The following PNN variants were observed in gnomAD, a reference collection of about 807,000 sequenced individuals.
PNN encodes pinin.
A neutral mutation model predicts 76.6 loss-of-function variants in PNN; 38 were observed. The observed-to-expected ratio is 0.50, with a 90% confidence interval of 0.38 to 0.65. PNN has a LOEUF of 0.65. Among genes scored for constraint, PNN ranks in the 30% least tolerant of loss-of-function variants. The pLI, the probability that PNN is intolerant of heterozygous loss-of-function variation, is 0.00. For synonymous variants in PNN, 366 were observed against 283.7 expected (o/e 1.29, Z -2.91); for missense variants, 873 against 874.1 (o/e 1.00, Z 0.02).
intron 3 of PNN, 137 bp from the exon 4 acceptor site, chr14:39,177,275 G>C (rs1013258514): frequency 4.5e-6 from 3 of 664,620 alleles, no homozygotes; most frequent in Admixed American, 5.7e-5. Flanking sequence ...AGTCCCAGCT[G>C]CTTGGGAGGA....
rs137938696 is a variant in PNN at position 39,181,327 on chromosome 14, G to A, written c.1618G>A (p.Val540Ile). Residue 540 changes from valine (V) to isoleucine (I), a missense_variant, in exon 9 of 9, where the codon GTA becomes ATA. By Grantham distance (29) the Val-to-Ile change is conservative. Transcript: ENST00000216832. ...TGTAGAGTCTGTAAAACTCACTGAG[G>A]TACCAGTAGAGCCAGTCTTGACAGT... ...FPVESVKLTE[V>I]PVEPVLTVHP... 5 of 1,614,136 alleles carry A rather than the reference G, an allele frequency of 3.1e-6. No homozygotes were observed. The highest frequency in any genetic ancestry group is 2.7e-5 in the African/African-American group (2 of 75,058).
chr14:39,180,318 C>A (rs975749037), intron 8 of PNN, among the ~76,000 whole-genome samples, 185 bp from the exon 9 acceptor site: 12 of 152,026 alleles, frequency 7.9e-5, no homozygotes, highest in Non-Finnish European at 1.8e-4. Context: ...TGTAGATTTC[C>A]CATGGATCTT....
In PNN at chr14:39,182,002, T is replaced by A; in HGVS notation, c.*139T>A. ...ATCTTTTTGGAAAATACAGACTGTT[T>A]GTTTACCAGACATTCTTGTACTTTT... On this transcript the variant is annotated 3_prime_UTR_variant, in exon 9 of 9. Transcript: ENST00000216832. 1 of 766,150 alleles carries A rather than the reference T, an allele frequency of 1.3e-6. No individual in the cohort carries two copies. The allele number at this position is 766,150 out of a possible 1,614,324, so 47.5% of individuals were successfully genotyped here.
rs61170483 is a variant in PNN, at chr14:39,176,426, G to C, written c.186-101G>C. On this transcript the variant is annotated intron_variant, in intron 2 of 8. Coordinates refer to ENST00000216832, the MANE Select transcript of PNN (RefSeq NM_002687.4). ...TGAATGCCCGTTTAAGGCTACTTTAGTTGGAAAGATTTTTGAAAGTTTAAC... is the reference window on the plus strand; with the variant it reads ...TGAATGCCCGTTTAAGGCTACTTTACTTGGAAAGATTTTTGAAAGTTTAAC... The C allele has an allele frequency of 3.7e-3, 3,374 of 903,202 alleles. 85 individuals are homozygous for C. In the African/African-American group the frequency reaches 0.048, roughly 13 times the overall value. The allele number at this position is 903,202 out of a possible 1,614,324, so 55.9% of individuals were successfully genotyped here.
intron 6 of PNN, 120 bp from the exon 7 acceptor site, chr14:39,178,971 A>T: frequency 1.1e-6 from 1 of 878,942 alleles, no homozygotes; most frequent in South Asian, 1.9e-5. Flanking sequence ...ACCTGCCTCT[A>T]ATGTTTCACG....
chr14:39,176,503 T>G (rs775308072), intron 2 of PNN, 24 bp from the exon 3 acceptor site: 2 of 1,543,724 alleles, frequency 1.3e-6, no homozygotes, highest in South Asian at 1.2e-5. Flanking sequence ...TCAAGTGTTT[T>G]ATGTTGAACA....
In PNN at chr14:39,181,586, G is replaced by C. The variant is rs1364333593; in HGVS notation, c.1877G>C (p.Ser626Thr). 1.2e-6 allele frequency: 2 copies of C among 1,612,408 alleles called. No individual in the cohort carries two copies. The highest frequency in any genetic ancestry group is 2.7e-5 in the African/African-American group (2 of 74,872). Residue 626 changes from serine (S) to threonine (T), a missense_variant, in exon 9 of 9, where the codon AGT becomes ACT. Physicochemically the swap from Ser to Thr is moderately conservative, Grantham distance 58. This residue lies in a region of PNN where 712 missense variants were observed against 693.1 expected (regional missense o/e 1.03). Coordinates refer to ENST00000216832, the MANE Select transcript of PNN (RefSeq NM_002687.4). ...SSSRDSSSSTSSSSESRSRSR... is the reference protein window; with the variant it reads ...SSSRDSSSSTTSSSESRSRSR... ...AGCAGAGATAGTAGCAGTAGCACTA[G>C]TAGTAGTAGTGAGAGTAGAAGTCGG... is the stretch of plus-strand genomic sequence containing the variant.
rs372629537 is a variant in PNN, at chr14:39,181,355, A to G, written c.1646A>G (p.His549Arg). The G allele has an allele frequency of 6.8e-6, 11 of 1,614,144 alleles. No individual in the cohort carries two copies. In the African/African-American group the frequency reaches 1.1e-4, roughly 16 times the overall value. ...CCAGTAGAGCCAGTCTTGACAGTAC[A>G]TCCAGAGAGCAAGAGCAAAACCAAA... is the stretch of plus-strand genomic sequence containing the variant. ...EVPVEPVLTV[H>R]PESKSKTKTR... The change falls in exon 9 of 9, where the codon CAT becomes CGT. Residue 549 changes from histidine to arginine, a missense_variant. Physicochemically the swap from His to Arg is conservative, Grantham distance 29. Around this residue, in one of 3 missense-constraint regions of PNN, gnomAD observed 712 missense variants for 693.1 expected, o/e 1.03. Transcript: ENST00000216832.
chr14:39,176,210 G>GT, intron 2 of PNN, 61 bp downstream of exon 2: 1 of 971,398 alleles, frequency 1.0e-6, no homozygotes, highest in Non-Finnish European at 1.7e-6. Flanking sequence ...AAATATGTTG[G>GT]TTTGAACAAA....
In PNN at chr14:39,181,319, T is replaced by C. The variant is rs137910240; in HGVS notation, c.1610T>C (p.Leu537Pro). ...RKDFPVESVK[L>P]TEVPVEPVLT... is the part of the protein sequence containing the mutation. ...GATTTTCCTGTAGAGTCTGTAAAAC[T>C]CACTGAGGTACCAGTAGAGCCAGTC... The change falls in exon 9 of 9, where the codon CTC becomes CCC. Residue 537 changes from leucine to proline, a missense_variant. Transcript: ENST00000216832. 3.0e-5 allele frequency: 49 copies of C among 1,614,070 alleles called. No individual in the cohort carries two copies. The African/African-American group carries it at 5.7e-4, about 19-fold the overall frequency.
chr14:39,177,158 G>T (rs980135507), intron 3 of PNN, among the ~76,000 whole-genome samples: 1 of 152,216 alleles, frequency 6.6e-6, no homozygotes, highest in Non-Finnish European at 1.5e-5. Context: ...GCCAAGACCA[G>T]CAGATCACTT....
chr14:39,180,414 C>G, intron 8 of PNN, 89 bp from the exon 9 acceptor site: 1 of 1,361,942 alleles, frequency 7.3e-7, no homozygotes, highest in Non-Finnish European at 9.7e-7. Flanking sequence ...TCAGATGAAG[C>G]TTAATGACAA....
rs760519052 is a variant in PNN, at chr14:39,176,508, T to A, written c.186-19T>A. The A allele has an allele frequency of 6.3e-7, 1 of 1,575,362 alleles. No homozygotes were observed. Among genetic ancestry groups the A allele is most frequent in the Admixed American group, 1.8e-5 (1 of 57,056 alleles). ...ATCTTGTATTTCAAGTGTTTTATGT[T>A]GAACATTTTAAATTTCAGGCGTGGA... On this transcript the variant is annotated intron_variant, in intron 2 of 8. Coordinates refer to ENST00000216832, the MANE Select transcript of PNN (RefSeq NM_002687.4).
chr14:39,178,023 C>G (rs1334080538), intron 6 of PNN, 107 bp downstream of exon 6: 11 of 763,620 alleles, frequency 1.4e-5, no homozygotes, highest in Non-Finnish European at 2.4e-5. Context: ...TAACTGTAAA[C>G]CTGAAACAAA....
At chr14:39,175,752 C>T (rs1170095940) in intron 1 of PNN, 3 of 467,182 alleles carry the variant, frequency 6.4e-6, no homozygotes, top group African/African-American at 4.1e-5. Flanking sequence ...CCCCGAGACC[C>T]TGCCGGGACG....
At chr14:39,179,720 C>T (rs535156986) in intron 8 of PNN, among the ~76,000 whole-genome samples, 9 of 151,828 alleles carry the variant, frequency 5.9e-5, no homozygotes, top group Admixed American at 1.3e-4. Flanking sequence ...GGTGAAACCC[C>T]GTCTCTAGTC....
At chr14:39,177,819 A>G in intron 5 of PNN, 22 bp from the exon 6 acceptor site, 1 of 1,583,640 alleles carries the variant, frequency 6.3e-7, no homozygotes, top group South Asian at 1.1e-5. Flanking sequence ...TTGACAGTAA[A>G]TTTTCTTATT....
chr14:39,178,491 A>G (rs1231596943), intron 6 of PNN, among the ~76,000 whole-genome samples: 2 of 152,160 alleles, frequency 1.3e-5, no homozygotes, highest in East Asian at 1.9e-4. Flanking sequence ...AGATCACACT[A>G]TTGTACCCCA....
At position 39,182,747 on chromosome 14, in the gene PNN, AGAATTTTGTTTAAG is replaced by A. The variant is rs1486624291; in HGVS notation, c.*888_*901del. On this transcript the variant is annotated 3_prime_UTR_variant, in exon 9 of 9. Transcript: ENST00000216832. ...TTAAACATGCTGATATGTGTTTTCA[AGAATTTTGTTTAAG>A]GAAGTATTGTATGGAAGTCCACAAA... is the stretch of plus-strand genomic sequence containing the variant. 6.5e-6 allele frequency: 1 copy of A among 152,672 alleles called. No individual in the cohort carries two copies. The highest frequency in any genetic ancestry group is 1.9e-4 in the East Asian group (1 of 5,204). 9.5% of individuals were successfully genotyped at this position (152,672 alleles called of 1,614,324 possible). A position where few individuals can be genotyped will look rare whatever the true frequency, so the allele number is the denominator to read the frequency against.
Sources: allele counts gnomAD v4.1 joint callset (sites outside exome capture counted in the v4.1 genomes callset), GRCh38; gene constraint gnomAD v4.1.1; regional missense constraint gnomAD v4.1.1; transcripts MANE v1.5; gene names NCBI Gene and HGNC (gene_info 2026-07-23, HGNC 2026-07-21).